The following KCNH4 variants were observed in gnomAD, a reference collection of about 807,000 sequenced individuals.
The protein encoded by KCNH4 is voltage-gated delayed rectifier potassium channel KCNH4.
Under a neutral mutation model 90.7 loss-of-function variants are expected in KCNH4, and 33 were observed. The ratio of observed to expected loss-of-function variants is 0.36; its 90% CI spans 0.28 to 0.49. The LOEUF is 0.49. KCNH4 is among the 20% of genes least tolerant of loss of function. KCNH4 has a pLI of 0.98. For synonymous variants in KCNH4, 551 were observed against 581.7 expected (o/e 0.95, Z 0.76); for missense variants, 1,044 against 1,387.1 (o/e 0.75, Z 3.93).
At position 42,163,859 on chromosome 17, in the gene KCNH4, G is replaced by C; in HGVS notation, c.2224C>G (p.Arg742Gly). The change falls in exon 13 of 17, where the codon CGG (arginine) becomes GGG (glycine). Residue 742 changes from arginine to glycine, a missense_variant. Physicochemically the swap from Arg to Gly is moderately radical, Grantham distance 125. Around this residue, in one of 4 missense-constraint regions of KCNH4, gnomAD observed 441 missense variants for 512.3 expected, o/e 0.86. Transcript: ENST00000264661. This position sits in a 1 kb window ranked among gnomAD's most constrained non-coding sequence, Gnocchi z 5.4. ...AEPGGGPRPR[R>G]PLLLPNLSPA... Reference sequence around the variant, plus strand: ...CTGAGGTTGGGCAGCAGGAGGGGCCGTCGGGGCCTGGGACCACCCCCAGGC... The same window carrying C: ...CTGAGGTTGGGCAGCAGGAGGGGCCCTCGGGGCCTGGGACCACCCCCAGGC... 2 of 1,512,466 alleles carry C rather than the reference G, an allele frequency of 1.3e-6. No individual in the cohort carries two copies. The highest frequency in any genetic ancestry group is 2.8e-5 in the African/African-American group (2 of 71,882). 93.7% of individuals were successfully genotyped at this position (1,512,466 alleles called of 1,614,324 possible). A position where few individuals can be genotyped will look rare whatever the true frequency, so the allele number is the denominator to read the frequency against.
In KCNH4 at chr17:42,165,505, G is replaced by T; in HGVS notation, c.2029C>A (p.Arg677=). Residue 677 remains arginine (R), a synonymous_variant, in exon 11 of 17, where the codon CGG becomes AGG. Coordinates refer to ENST00000264661, the MANE Select transcript of KCNH4 (RefSeq NM_012285.3). ...RLYPEYGAAF[R]AGLPRDLTFN... ...GTGAGGTCCCGGGGCAGGCCAGCCC[G>T]GAAGGCAGCCCCATACTCAGGATAG... The T allele has an allele frequency of 6.2e-7, 1 of 1,614,180 alleles. No homozygotes were observed. The highest frequency in any genetic ancestry group is 1.1e-5 in the South Asian group (1 of 91,086).
chr17:42,174,059 G>A (rs1172870046), intron 6 of KCNH4, among the ~76,000 whole-genome samples: 1 of 152,084 alleles, frequency 6.6e-6, no homozygotes, highest in African/African-American at 2.4e-5. Context: ...TGGGACTCAA[G>A]CAATTCTTGT....
intron 15 of KCNH4, among the ~76,000 whole-genome samples, chr17:42,160,714 T>C (rs2079740631): frequency 6.6e-6 from 1 of 152,156 alleles, no homozygotes; most frequent in Non-Finnish European, 1.5e-5. Flanking sequence ...CACACATCTG[T>C]GAAGTGACAG....
chr17:42,165,705 G>A lies in KCNH4; in HGVS notation c.1841-12C>T, dbSNP rs1202728514. On this transcript the variant is annotated splice_polypyrimidine_tract_variant and intron_variant, in intron 10 of 16. Transcript: ENST00000264661. ...CAGGTCCCCCTTCCCTGTAGGTAAG[G>A]GATGGGGACAGTCAGCTGGGGCAGT... The A allele has an allele frequency of 1.2e-6, 2 of 1,613,722 alleles. No individual in the cohort carries two copies. Among genetic ancestry groups the A allele is most frequent in the Non-Finnish European group, 1.7e-6 (2 of 1,179,778 alleles).
At chr17:42,175,968 T>G in intron 5 of KCNH4, 86 bp downstream of exon 5, 1 of 1,437,170 alleles carries the variant, frequency 7.0e-7, no homozygotes, top group South Asian at 1.3e-5. Context: ...AATGTCTGGG[T>G]CATGTGGGCC....
At chr17:42,160,525 A>C in intron 15 of KCNH4, 90 bp from the exon 16 acceptor site, 1 of 1,384,196 alleles carries the variant, frequency 7.2e-7, no homozygotes, top group Non-Finnish European at 9.7e-7. Flanking sequence ...TTTCGCAGCC[A>C]CTTTCTGCTC....
chr17:42,165,736 C>A (rs770586765), intron 10 of KCNH4, 43 bp from the exon 11 acceptor site: 11 of 1,610,186 alleles, frequency 6.8e-6, no homozygotes, highest in Non-Finnish European at 9.3e-6. Context: ...GCAGTGAGAA[C>A]GAAAGGATAT....
Position 42,169,769 on chromosome 17 carries a change from C to T in KCNH4, c.1391-93G>A, listed in dbSNP as rs1444341011. The T allele has an allele frequency of 5.6e-5, 75 of 1,349,392 alleles. 1 individual carries two copies. Among genetic ancestry groups the T allele is most frequent in the Middle Eastern group, 2.4e-4 (1 of 4,122 alleles). The allele number at this position is 1,349,392 out of a possible 1,614,324, so 83.6% of individuals were successfully genotyped here. ...CACCCTGTCCTGGACCAAGAGCCAG[C>T]GGGCTCCTGTGTGCCTACCAGGTGC... On this transcript the variant is annotated intron_variant, in intron 8 of 16. Coordinates refer to ENST00000264661, the MANE Select transcript of KCNH4 (RefSeq NM_012285.3).
At chr17:42,161,287 C>T (rs2079746806) in intron 15 of KCNH4, among the ~76,000 whole-genome samples, 1 of 152,208 alleles carries the variant, frequency 6.6e-6, no homozygotes, top group African/African-American at 2.4e-5. Flanking sequence ...TGAGGGATGC[C>T]TGAGGCCTTG....
chr17:42,181,029 G>A lies in KCNH4; in HGVS notation c.-84C>T, dbSNP rs1598280599. Reference sequence around the variant, plus strand: ...GAGGGGGCGCGCTGTCGGAGGGGCCGGGGCGCCCCATGCGCCCTCCTGCCT... The same window carrying A: ...GAGGGGGCGCGCTGTCGGAGGGGCCAGGGCGCCCCATGCGCCCTCCTGCCT... On this transcript the variant is annotated 5_prime_UTR_variant, in exon 1 of 17. Coordinates refer to ENST00000264661, the MANE Select transcript of KCNH4 (RefSeq NM_012285.3). 1.6e-6 allele frequency: 2 copies of A among 1,276,812 alleles called. No individual in the cohort carries two copies. The highest frequency in any genetic ancestry group is 2.5e-5 in the East Asian group (1 of 40,250). The allele number at this position is 1,276,812 out of a possible 1,614,324, so 79.1% of individuals were successfully genotyped here. A position where few individuals can be genotyped will look rare whatever the true frequency, so the allele number is the denominator to read the frequency against.
At position 42,163,820 on chromosome 17, in the gene KCNH4, G is replaced by A. The variant is rs1351794142; in HGVS notation, c.2263C>T (p.Arg755Trp). 4.6e-6 allele frequency: 7 copies of A among 1,522,964 alleles called. No homozygotes were observed. Among genetic ancestry groups the A allele is most frequent in the African/African-American group, 1.4e-5 (1 of 71,956 alleles). The allele number at this position is 1,522,964 out of a possible 1,614,324, so 94.3% of individuals were successfully genotyped here. The change falls in exon 13 of 17, where the codon CGG (arginine) becomes TGG (tryptophan). Residue 755 changes from arginine to tryptophan, a missense_variant. Coordinates refer to ENST00000264661, the MANE Select transcript of KCNH4 (RefSeq NM_012285.3). The surrounding 1 kb of genome is among the most constrained non-coding windows in gnomAD (Gnocchi z 5.4). Reference sequence around the variant, plus strand: ...CCCAAAAGGCTGACCAGGGAGCCCCGAGGCCGTGCTGGGCTGAGGTTGGGC... The same window carrying A: ...CCCAAAAGGCTGACCAGGGAGCCCCAAGGCCGTGCTGGGCTGAGGTTGGGC... ...LLPNLSPARPRGSLVSLLGEE... is the reference protein window; with the variant it reads ...LLPNLSPARPWGSLVSLLGEE...
Position 42,170,214 on chromosome 17 carries a change from G to A in KCNH4, c.1283C>T (p.Ala428Val), listed in dbSNP as rs755522577. Residue 428 changes from alanine (A) to valine (V), a missense_variant, in exon 8 of 17, where the codon GCG (alanine) becomes GTG (valine). Physicochemically the swap from Ala to Val is moderately conservative, Grantham distance 64. Coordinates refer to ENST00000264661, the MANE Select transcript of KCNH4 (RefSeq NM_012285.3). ...GCTGCTTAGAGTGAAGTACAGTGCC[G>A]CGATGTAGGCGCTGCGCCGTGATGG... ...GGPSRRSAYI[A>V]ALYFTLSSLT... is the part of the protein sequence containing the mutation. The A allele has an allele frequency of 3.1e-6, 5 of 1,612,302 alleles. No individual in the cohort carries two copies. Among genetic ancestry groups the A allele is most frequent in the African/African-American group, 1.3e-5 (1 of 74,926 alleles).
At chr17:42,165,805 G>T (rs2079783270) in intron 10 of KCNH4, 112 bp from the exon 11 acceptor site, 1 of 1,282,718 alleles carries the variant, frequency 7.8e-7, no homozygotes, top group Non-Finnish European at 1.1e-6. Context: ...GATGGTTGAA[G>T]GTGGGCCAGT....
intron 9 of KCNH4, among the ~76,000 whole-genome samples, chr17:42,166,926 T>C (rs2079792326): frequency 6.6e-6 from 1 of 152,166 alleles, no homozygotes; most frequent in Non-Finnish European, 1.5e-5. Context: ...TGGGCCTCAG[T>C]ATCCCAGTCT....
chr17:42,163,662 G>T lies in KCNH4; in HGVS notation c.2421C>A (p.Pro807=). ...CCAGTGGGGGAATGAGAAGCTGAGG[G>T]GGCTTCCAGGCAGCAGAGCACCTGG... The part of the protein sequence containing the change: ...GPPRCSAAWK[P]PQLLIPPLGT... The change falls in exon 13 of 17, where the codon CCC becomes CCA. Residue 807 remains proline, a synonymous_variant. Transcript: ENST00000264661. This position sits in a 1 kb window ranked among gnomAD's most constrained non-coding sequence, Gnocchi z 5.4. The T allele has an allele frequency of 6.6e-7, 1 of 1,508,540 alleles. No individual in the cohort carries two copies. The highest frequency in any genetic ancestry group is 8.9e-7 in the Non-Finnish European group (1 of 1,128,776). The allele number at this position is 1,508,540 out of a possible 1,614,324, so 93.4% of individuals were successfully genotyped here.
At chr17:42,174,490 C>T (rs532182628) in intron 6 of KCNH4, among the ~76,000 whole-genome samples, 1 of 152,208 alleles carries the variant, frequency 6.6e-6, no homozygotes, top group South Asian at 2.1e-4. Context: ...GTCAGAGCCT[C>T]GAGGCAGACG....
At position 42,166,745 on chromosome 17, in the gene KCNH4, G is replaced by T. The variant is rs190479646; in HGVS notation, c.1591-199C>A. Among the ~76,000 whole-genome samples the T allele has an allele frequency of 2.3e-3, 347 of 152,280 alleles. 1 individual carries two copies. The highest frequency in any genetic ancestry group is 8.0e-3 in the African/African-American group (332 of 41,556). ...ACCTCACAACCCAATTTCAGGGGCA[G>T]AGACCAGGTCTTCTCCCATCAGTTC... On this transcript the variant is annotated intron_variant, in intron 9 of 16. Coordinates refer to ENST00000264661, the MANE Select transcript of KCNH4 (RefSeq NM_012285.3).
rs1216561186 is a variant in KCNH4 at position 42,157,126 on chromosome 17, G to A, written c.*310-8C>T. ...ACCACCTTGAGAGACAGCCTGCAGA[G>A]AGACAGAAACAGAGATGTTGACAGA... On this transcript the variant is annotated splice_region_variant and splice_polypyrimidine_tract_variant and intron_variant, in intron 16 of 16. Coordinates refer to ENST00000264661, the MANE Select transcript of KCNH4 (RefSeq NM_012285.3). 1.3e-5 allele frequency: 2 copies of A among 152,270 alleles called. No individual in the cohort carries two copies. The highest frequency in any genetic ancestry group is 4.8e-5 in the African/African-American group (2 of 41,390). The allele number at this position is 152,270 out of a possible 1,614,324, so 9.4% of individuals were successfully genotyped here.
chr17:42,165,398 C>G, intron 11 of KCNH4, 51 bp downstream of exon 11: 2 of 1,603,184 alleles, frequency 1.2e-6, no homozygotes, highest in Non-Finnish European at 1.7e-6. Flanking sequence ...GGGAGGTCTG[C>G]TTTGGAGGAA....
Sources: gnomAD v4.1 joint callset for allele counts (sites outside exome capture counted in the v4.1 genomes callset) on GRCh38, gnomAD v4.1.1 for gene constraint, gnomAD v4.1.1 regional missense constraint, Gnocchi (gnomAD v3.1) non-coding constraint, MANE v1.5 for transcripts, NCBI Gene and HGNC (gene_info 2026-07-23, HGNC 2026-07-21) for gene names.